ITPR2: variants seen among roughly 807,000 people sequenced by gnomAD.
ITPR2 encodes inositol 1,4,5-trisphosphate-gated calcium channel ITPR2.
ITPR2 carries 207 observed loss-of-function variants against 317.1 expected under a neutral mutation model. The observed-to-expected ratio is 0.65, with a 90% CI of 0.58 to 0.73. The LOEUF (loss-of-function observed/expected upper bound fraction) is 0.73. Among genes scored for constraint, ITPR2 ranks in the 30% least tolerant of loss-of-function variants. The probability of loss-of-function intolerance (pLI) is 0.00; values close to 1 mark genes in which losing one functional copy is unlikely to be tolerated. For missense variants in ITPR2, 2,613 were observed against 3,284.0 expected, an observed-to-expected ratio of 0.80 and a Z score of 4.99; for synonymous variants, 1,156 against 1,149.1, an observed-to-expected ratio of 1.01 and a Z score of -0.12.
At chr12:26,725,337 AT>A (rs1276813814) in intron 3 of ITPR2, among the ~76,000 whole-genome samples, 5 of 152,152 alleles carry the variant, frequency 3.3e-5, no homozygotes, top group African/African-American at 1.2e-4. Context: ...AATATCAAGG[AT>A]TATGTCAAGT....
intron 35 of ITPR2, among the ~76,000 whole-genome samples, chr12:26,557,010 C>T (rs933772558): frequency 1.3e-5 from 2 of 151,614 alleles, no homozygotes; most frequent in Admixed American, 6.6e-5. Flanking sequence ...GCCTGGGAGG[C>T]GGAGGTTGCA....
intron 35 of ITPR2, among the ~76,000 whole-genome samples, chr12:26,561,191 G>C (rs1414078573): frequency 2.0e-5 from 3 of 152,198 alleles, no homozygotes; most frequent in Non-Finnish European, 4.4e-5. Flanking sequence ...TCCACCATGT[G>C]CAAGCCCAGG....
intron 26 of ITPR2, among the ~76,000 whole-genome samples, chr12:26,606,485 C>CATCAGG (rs1946130888): frequency 6.7e-6 from 1 of 149,530 alleles, no homozygotes; most frequent in South Asian, 2.1e-4. Context: ...AATTGGGTGG[C>CATCAGG]ATCAGGGTTC....
intron 18 of ITPR2, among the ~76,000 whole-genome samples, chr12:26,657,216 A>G (rs889056368): frequency 6.6e-6 from 1 of 152,192 alleles, no homozygotes; most frequent in Non-Finnish European, 1.5e-5. Flanking sequence ...AACTGCCTTC[A>G]GTACTTCCGC....
chr12:26,751,712 A>G (rs1949423106), intron 2 of ITPR2, among the ~76,000 whole-genome samples: 1 of 151,900 alleles, frequency 6.6e-6, no homozygotes, highest in African/African-American at 2.4e-5. Flanking sequence ...CTAAAAATAC[A>G]AAAATTAGCC....
At chr12:26,418,705 C>T (rs1050850912) in intron 50 of ITPR2, among the ~76,000 whole-genome samples, 4 of 151,374 alleles carry the variant, frequency 2.6e-5, no homozygotes, top group Non-Finnish European at 4.4e-5. Flanking sequence ...GAAAATATAC[C>T]CCTATTTTGT....
intron 55 of ITPR2, among the ~76,000 whole-genome samples, chr12:26,372,441 G>A (rs1021048527): frequency 2.0e-5 from 3 of 152,190 alleles, no homozygotes; most frequent in African/African-American, 2.4e-5. Context: ...CTTAGGAAAC[G>A]CTGAATGTAG....
chr12:26,762,640 T>G, intron 2 of ITPR2, among the ~76,000 whole-genome samples: 1 of 152,178 alleles, frequency 6.6e-6, no homozygotes, highest in East Asian at 1.9e-4. Flanking sequence ...TAAAATTCAC[T>G]TTAAAGGTAA....
chr12:26,827,582 G>A (rs7315029), intron 1 of ITPR2, among the ~76,000 whole-genome samples: 41,601 of 152,052 alleles, frequency 0.27, 5,869 homozygotes, highest in Non-Finnish European at 0.32. Flanking sequence ...CCTTATGGCA[G>A]AAATTCCCAG....
At chr12:26,654,783 T>C (rs1451986156) in intron 20 of ITPR2, among the ~76,000 whole-genome samples, 1 of 152,140 alleles carries the variant, frequency 6.6e-6, no homozygotes, top group Non-Finnish European at 1.5e-5. Flanking sequence ...AAGGCCCACA[T>C]GGCAGGAAGC....
chr12:26,381,179 T>C (rs1486652025), intron 55 of ITPR2, among the ~76,000 whole-genome samples: 1 of 152,212 alleles, frequency 6.6e-6, no homozygotes, highest in Non-Finnish European at 1.5e-5. Context: ...GCCCTCTGAT[T>C]TGGGTCAAGG....
intron 39 of ITPR2, among the ~76,000 whole-genome samples, chr12:26,488,852 T>C (rs1294655389): frequency 6.6e-6 from 1 of 152,230 alleles, no homozygotes; most frequent in African/African-American, 2.4e-5. Context: ...TATTACTTCA[T>C]AGATACTTTC....
chr12:26,694,340 C>G (rs544904560), intron 10 of ITPR2, among the ~76,000 whole-genome samples: 1 of 152,178 alleles, frequency 6.6e-6, no homozygotes, highest in African/African-American at 2.4e-5. Context: ...TCCTTAGAAG[C>G]CTGTCCTCCC....
At chr12:26,393,509 T>C (rs1358497259) in intron 54 of ITPR2, among the ~76,000 whole-genome samples, 1 of 152,246 alleles carries the variant, frequency 6.6e-6, no homozygotes, top group Non-Finnish European at 1.5e-5. Context: ...TTTCTGTTAC[T>C]GAGGTTACAG....
chr12:26,797,256 A>AT (rs1950463492), intron 1 of ITPR2, among the ~76,000 whole-genome samples: 1 of 152,220 alleles, frequency 6.6e-6, no homozygotes, highest in Non-Finnish European at 1.5e-5. Context: ...AGGAATACAC[A>AT]TGGGGTATAA....
At chr12:26,811,385 C>T (rs1225165653) in intron 1 of ITPR2, among the ~76,000 whole-genome samples, 4 of 151,452 alleles carry the variant, frequency 2.6e-5, no homozygotes, top group South Asian at 4.2e-4. Context: ...CTGAGGCAGG[C>T]GGATCACGAG....
intron 55 of ITPR2, among the ~76,000 whole-genome samples, chr12:26,357,894 A>C (rs923992465): frequency 2.0e-5 from 3 of 152,242 alleles, no homozygotes; most frequent in African/African-American, 7.2e-5. Flanking sequence ...AGGAAGCTGC[A>C]GGGCGGCTAG....
intron 2 of ITPR2, among the ~76,000 whole-genome samples, chr12:26,732,987 T>C (rs1949050650): frequency 1.3e-5 from 2 of 152,188 alleles, no homozygotes; most frequent in Non-Finnish European, 2.9e-5. Context: ...AATTAAAGAC[T>C]GAATTGTTAA....
chr12:26,672,383 A>C (rs573417289), intron 13 of ITPR2, among the ~76,000 whole-genome samples: 41 of 152,388 alleles, frequency 2.7e-4, no homozygotes, highest in African/African-American at 9.6e-4. Flanking sequence ...ACTAGAACTC[A>C]GGATTAAGAA....
Sources: allele counts gnomAD v4.1 joint callset (sites outside exome capture counted in the v4.1 genomes callset), GRCh38; gene constraint gnomAD v4.1.1; transcripts MANE v1.5; gene names NCBI Gene and HGNC (gene_info 2026-07-23, HGNC 2026-07-21).